LRRC4C: variants seen among roughly 807,000 people sequenced by gnomAD.
LRRC4C encodes the protein leucine-rich repeat-containing protein 4C.
Under a neutral mutation model 33.6 loss-of-function variants are expected in LRRC4C, and 5 were observed. That is an observed-to-expected ratio of 0.15 (90% CI 0.08 to 0.31). The LOEUF (loss-of-function observed/expected upper bound fraction) is 0.31. Among genes scored for constraint, LRRC4C ranks in the 10% least tolerant of loss-of-function variants. The pLI, the probability that LRRC4C is intolerant of heterozygous loss-of-function variation, is 1.00. For missense variants in LRRC4C, 560 were observed against 796.7 expected (o/e 0.70, Z 3.58); for synonymous variants, 329 against 302.0 (o/e 1.09, Z -0.93).
chr11:40,474,822 CAT>C (rs762270535), intron 3 of LRRC4C, among the ~76,000 whole-genome samples: 1 of 152,058 alleles, frequency 6.6e-6, no homozygotes, highest in African/African-American at 2.4e-5. Context: ...GGCCAACAAA[CAT>C]ATGAAAAAAA....
chr11:41,351,333 A>G (rs1213156713), intron 1 of LRRC4C, among the ~76,000 whole-genome samples: 1 of 152,192 alleles, frequency 6.6e-6, no homozygotes, highest in Non-Finnish European at 1.5e-5. Flanking sequence ...CCTCTGGGAA[A>G]TAGGGAATTA....
At chr11:40,674,989 G>A (rs1944322362) in intron 2 of LRRC4C, among the ~76,000 whole-genome samples, 1 of 152,152 alleles carries the variant, frequency 6.6e-6, no homozygotes, top group Non-Finnish European at 1.5e-5. Context: ...TATAACCTGG[G>A]TCACTGAAGT....
intron 6 of LRRC4C, among the ~76,000 whole-genome samples, chr11:40,124,935 T>C (rs2134710993): frequency 6.6e-6 from 1 of 152,032 alleles, no homozygotes; most frequent in African/African-American, 2.4e-5. Flanking sequence ...ATACACCTAC[T>C]ATGTACCCAC....
intron 1 of LRRC4C, among the ~76,000 whole-genome samples, chr11:41,090,448 T>G (rs1269839925): frequency 6.6e-6 from 1 of 152,126 alleles, no homozygotes; most frequent in Admixed American, 6.6e-5. Flanking sequence ...AAACATATTT[T>G]AGTTTCAAAA....
At chr11:40,729,538 A>G (rs1219771157) in intron 2 of LRRC4C, among the ~76,000 whole-genome samples, 1 of 152,146 alleles carries the variant, frequency 6.6e-6, no homozygotes, top group Non-Finnish European at 1.5e-5. Context: ...CTTACACAGC[A>G]TGATATGGAG....
intron 1 of LRRC4C, among the ~76,000 whole-genome samples, chr11:41,180,006 A>C (rs1945377252): frequency 6.6e-6 from 1 of 152,220 alleles, no homozygotes; most frequent in African/African-American, 2.4e-5. Flanking sequence ...CCTATACAGG[A>C]CTGGCGGGCA....
intron 3 of LRRC4C, among the ~76,000 whole-genome samples, chr11:40,504,589 G>A (rs963743235): frequency 1.3e-5 from 2 of 152,144 alleles, no homozygotes; most frequent in Non-Finnish European, 2.9e-5. Context: ...ATGGATTTAA[G>A]TTGGGCAGAA....
intron 2 of LRRC4C, among the ~76,000 whole-genome samples, chr11:40,771,970 G>C (rs1401780560): frequency 1.3e-5 from 2 of 152,130 alleles, no homozygotes; most frequent in Non-Finnish European, 2.9e-5. Flanking sequence ...CCACCAAACT[G>C]TTCCATCCTC....
At chr11:41,410,904 C>T (rs1165045689) in intron 1 of LRRC4C, among the ~76,000 whole-genome samples, 4 of 151,736 alleles carry the variant, frequency 2.6e-5, no homozygotes, top group Non-Finnish European at 5.9e-5. Flanking sequence ...GCTGATGGGA[C>T]CTTTTTAAAG....
At chr11:40,336,356 C>G (rs746781306) in intron 3 of LRRC4C, among the ~76,000 whole-genome samples, 1 of 152,024 alleles carries the variant, frequency 6.6e-6, no homozygotes. Flanking sequence ...CTGGCTAATA[C>G]GTATTTCCCA....
intron 1 of LRRC4C, among the ~76,000 whole-genome samples, chr11:41,303,860 C>T (rs1460467296): frequency 4.9e-5 from 2 of 41,026 alleles, no homozygotes; most frequent in African/African-American, 1.4e-4. Context: ...GCAATCACCC[C>T]GTCTGAGAAG....
At chr11:40,145,367 A>G (rs1857651998) in intron 5 of LRRC4C, among the ~76,000 whole-genome samples, 1 of 152,308 alleles carries the variant, frequency 6.6e-6, no homozygotes, top group Middle Eastern at 3.4e-3. Flanking sequence ...CAGTTGGCCA[A>G]TCAAATTTCT....
At chr11:40,613,897 G>T (rs1961490217) in intron 3 of LRRC4C, among the ~76,000 whole-genome samples, 1 of 151,766 alleles carries the variant, frequency 6.6e-6, no homozygotes. Flanking sequence ...CTTTTTTTCT[G>T]ATCAGTAGGT....
chr11:40,984,727 TA>T (rs1565271597), intron 1 of LRRC4C, among the ~76,000 whole-genome samples: 1 of 151,982 alleles, frequency 6.6e-6, no homozygotes, highest in East Asian at 1.9e-4. Flanking sequence ...TGGAGTATGA[TA>T]AAAATTTGTG....
chr11:40,690,863 T>C (rs1369350063), intron 2 of LRRC4C, among the ~76,000 whole-genome samples: 1 of 152,016 alleles, frequency 6.6e-6, no homozygotes, highest in African/African-American at 2.4e-5. Context: ...CAAAGGATGC[T>C]GATATCTCAA....
At position 40,663,371 on chromosome 11, in the gene LRRC4C, G is replaced by A. The variant is rs541415556; in HGVS notation, c.-406-15093C>T. Among the ~76,000 whole-genome samples the A allele has an allele frequency of 1.6e-4, 24 of 152,242 alleles. 1 individual carries two copies. The highest frequency in any genetic ancestry group is 5.2e-4 in the Admixed American group (8 of 15,286). On this transcript the variant is annotated intron_variant, in intron 2 of 6. Transcript: ENST00000528697. The stretch of plus-strand genomic sequence containing the variant: ...GTTGGGATTACAGGCGTGAGCCACC[G>A]CACCCAGCCAATTTATTTAGTTAGA...
intron 3 of LRRC4C, among the ~76,000 whole-genome samples, chr11:40,407,642 A>G (rs1260930145): frequency 6.6e-6 from 1 of 152,110 alleles, no homozygotes; most frequent in Non-Finnish European, 1.5e-5. Context: ...CTCCTGTTCT[A>G]GCTCCAACTA....
intron 3 of LRRC4C, among the ~76,000 whole-genome samples, chr11:40,330,621 C>G (rs1384773166): frequency 6.6e-6 from 1 of 152,072 alleles, no homozygotes; most frequent in Admixed American, 6.6e-5. Context: ...GCGGAAGGCA[C>G]CTCTTCACAG....
chr11:40,972,276 A>G (rs1315267589), intron 1 of LRRC4C, among the ~76,000 whole-genome samples: 1 of 151,804 alleles, frequency 6.6e-6, no homozygotes, highest in African/African-American at 2.4e-5. Context: ...AGCTGGGATT[A>G]CAAGCATGTG....
Sources: allele counts gnomAD v4.1 joint callset (sites outside exome capture counted in the v4.1 genomes callset), GRCh38; gene constraint gnomAD v4.1.1; transcripts MANE v1.5; gene names NCBI Gene and HGNC (gene_info 2026-07-23, HGNC 2026-07-21).